ALPL: variants seen among roughly 807,000 people sequenced by gnomAD.
ALPL encodes the protein alkaline phosphatase, biomineralization associated, also known as alkaline phosphatase, tissue-nonspecific isozyme.
Under a neutral mutation model 51.3 loss-of-function variants are expected in ALPL, and 42 were observed. That is an observed-to-expected ratio of 0.82 (90% CI 0.64 to 1.06). The LOEUF (loss-of-function observed/expected upper bound fraction) is 1.06. Ranked by LOEUF, ALPL falls within the 50% of genes least tolerant of loss-of-function variation. The probability of loss-of-function intolerance (pLI) is 0.00; values close to 1 mark genes in which losing one functional copy is unlikely to be tolerated. For synonymous variants in ALPL, 279 were observed against 296.4 expected, an observed-to-expected ratio of 0.94 and a Z score of 0.60; for missense variants, 589 against 709.4, an observed-to-expected ratio of 0.83 and a Z score of 1.93.
intron 1 of ALPL, among the ~76,000 whole-genome samples, chr1:21,529,563 C>G (rs1180806431): frequency 6.6e-6 from 1 of 152,192 alleles, no homozygotes; most frequent in Non-Finnish European, 1.5e-5. Context: ...GAAGCGTCCT[C>G]AAGCTAATAA....
chr1:21,538,295 C>G (rs1457754705), intron 1 of ALPL, among the ~76,000 whole-genome samples: 1 of 152,170 alleles, frequency 6.6e-6, no homozygotes, highest in Non-Finnish European at 1.5e-5. Context: ...CTGGGGCTCT[C>G]GGCGTCAGCC....
At chr1:21,554,459 T>C (rs1433284632) in intron 2 of ALPL, among the ~76,000 whole-genome samples, 2 of 147,960 alleles carry the variant, frequency 1.4e-5, no homozygotes, top group Non-Finnish European at 3.0e-5. Flanking sequence ...TTTTTCCATA[T>C]ATATATTTCA....
rs1644538719 is a variant in ALPL, at chr1:21,564,697, T to C, written c.648+481T>C. Reference sequence around the variant, plus strand: ...TTCCAGACCTTGCCCTGCGTGTTGCTAGCTGTGTGACCTTGGGTCAGTTAC... The same window carrying C: ...TTCCAGACCTTGCCCTGCGTGTTGCCAGCTGTGTGACCTTGGGTCAGTTAC... On this transcript the variant is annotated intron_variant, in intron 6 of 11. Coordinates refer to ENST00000374840, the MANE Select transcript of ALPL (RefSeq NM_000478.6). The surrounding 1 kb of genome is among the most constrained non-coding windows in gnomAD (Gnocchi z 5.8). Among the ~76,000 whole-genome samples the C allele has an allele frequency of 1.3e-5, 2 of 152,246 alleles. No individual in the cohort carries two copies. The highest frequency in any genetic ancestry group is 1.3e-4 in the Admixed American group (2 of 15,286).
At chr1:21,532,858 G>A (rs1644048671) in intron 1 of ALPL, among the ~76,000 whole-genome samples, 1 of 152,236 alleles carries the variant, frequency 6.6e-6, no homozygotes, top group Non-Finnish European at 1.5e-5. Flanking sequence ...TCTGGAGTCA[G>A]GACACCAGGG....
chr1:21,527,844 C>T (rs58090121), intron 1 of ALPL, among the ~76,000 whole-genome samples: 24,558 of 152,118 alleles, frequency 0.16, 2,161 homozygotes, highest in Middle Eastern at 0.24. Flanking sequence ...CCACCACGCC[C>T]GGCCAGCCTT....
At chr1:21,540,629 C>T (rs968382936) in intron 1 of ALPL, among the ~76,000 whole-genome samples, 5 of 152,200 alleles carry the variant, frequency 3.3e-5, no homozygotes, top group African/African-American at 1.2e-4. Flanking sequence ...CAGGCTGCCC[C>T]TCTGTCCTGA....
intron 1 of ALPL, among the ~76,000 whole-genome samples, chr1:21,530,963 T>C (rs1295127097): frequency 6.8e-6 from 1 of 146,764 alleles, no homozygotes. Context: ...GATTTTTTTT[T>C]TTTTTTTTTT....
At chr1:21,548,031 C>T (rs529697759) in intron 1 of ALPL, among the ~76,000 whole-genome samples, 23 of 152,358 alleles carry the variant, frequency 1.5e-4, no homozygotes, top group Admixed American at 3.3e-4. Context: ...TCCTCTGGCG[C>T]CACAGCCTAG....
intron 1 of ALPL, among the ~76,000 whole-genome samples, chr1:21,551,941 G>A (rs1031769495): frequency 1.3e-4 from 19 of 150,776 alleles, no homozygotes; most frequent in African/African-American, 4.4e-4. Context: ...TAGCCAGGAT[G>A]GTCTCGATCT....
chr1:21,544,913 T>G (rs1254003248), intron 1 of ALPL, among the ~76,000 whole-genome samples: 6 of 152,014 alleles, frequency 3.9e-5, no homozygotes, highest in South Asian at 2.1e-4. Context: ...GTTTTGTTTT[T>G]TTTTCTTGTA....
chr1:21,572,577 A>G (rs1427113641), intron 8 of ALPL, among the ~76,000 whole-genome samples: 5 of 152,208 alleles, frequency 3.3e-5, no homozygotes, highest in African/African-American at 4.8e-5. Context: ...ATTGGGCACC[A>G]TCTTGGAGGC....
intron 6 of ALPL, among the ~76,000 whole-genome samples, chr1:21,567,743 G>C (rs1319694282): frequency 1.3e-5 from 2 of 152,176 alleles, no homozygotes; most frequent in African/African-American, 4.8e-5. Context: ...TGCAGCCTTG[G>C]TATGAAGTTG....
intron 6 of ALPL, 114 bp from the exon 7 acceptor site, chr1:21,567,990 G>A: frequency 6.9e-7 from 1 of 1,449,770 alleles, no homozygotes. Flanking sequence ...ACCAGGCTGG[G>A]AAAGTGTCCA....
chr1:21,551,058 G>T (rs938437404), intron 1 of ALPL, among the ~76,000 whole-genome samples: 2 of 152,108 alleles, frequency 1.3e-5, no homozygotes, highest in Admixed American at 6.5e-5. Flanking sequence ...TTTCCCATGC[G>T]CTGTGCCTGT....
intron 1 of ALPL, among the ~76,000 whole-genome samples, chr1:21,529,207 T>C (rs1412838538): frequency 6.6e-6 from 1 of 152,176 alleles, no homozygotes. Flanking sequence ...CTCAAATTAA[T>C]GCAGTAAGAT....
intron 1 of ALPL, among the ~76,000 whole-genome samples, chr1:21,520,806 T>TG (rs1643876319): frequency 6.6e-6 from 1 of 152,136 alleles, no homozygotes; most frequent in Non-Finnish European, 1.5e-5. Context: ...AATAAAGTAT[T>TG]CACATCATTT....
At chr1:21,555,430 G>A (rs1644400014) in intron 2 of ALPL, among the ~76,000 whole-genome samples, 1 of 152,144 alleles carries the variant, frequency 6.6e-6, no homozygotes, top group African/African-American at 2.4e-5. Context: ...TTCTTTTTGA[G>A]ACAGAGACAG....
At chr1:21,559,339 G>A (rs969235193) in intron 2 of ALPL, among the ~76,000 whole-genome samples, 2 of 152,196 alleles carry the variant, frequency 1.3e-5, no homozygotes, top group African/African-American at 4.8e-5. Context: ...CCCTGGAGAC[G>A]GGATAATGGG....
intron 6 of ALPL, among the ~76,000 whole-genome samples, chr1:21,567,374 C>T (rs542399174): frequency 1.2e-4 from 17 of 145,864 alleles, no homozygotes; most frequent in East Asian, 2.5e-4. Flanking sequence ...GTCCCGCGTC[C>T]GTCTGCCCGC....
Sources: gnomAD v4.1 joint callset for allele counts (sites outside exome capture counted in the v4.1 genomes callset) on GRCh38, gnomAD v4.1.1 for gene constraint, Gnocchi (gnomAD v3.1) non-coding constraint, MANE v1.5 for transcripts, NCBI Gene and HGNC (gene_info 2026-07-23, HGNC 2026-07-21) for gene names.